CDC42EP3: variants seen among roughly 807,000 people sequenced by gnomAD.
CDC42EP3 encodes CDC42 effector protein 3.
A neutral mutation model predicts 15.5 loss-of-function variants in CDC42EP3; 4 were observed. The ratio of observed to expected loss-of-function variants is 0.26; its 90% CI spans 0.13 to 0.59. CDC42EP3 has a LOEUF of 0.59. Ranked by LOEUF, CDC42EP3 falls within the 20% of genes least tolerant of loss-of-function variation. The pLI, the probability that CDC42EP3 is intolerant of heterozygous loss-of-function variation, is 0.89. For missense variants in CDC42EP3, 309 were observed against 311.2 expected (o/e 0.99, Z 0.05); for synonymous variants, 145 against 130.3 (o/e 1.11, Z -0.77).
intron 1 of CDC42EP3, among the ~76,000 whole-genome samples, chr2:37,664,383 G>C (rs1325050055): frequency 6.6e-6 from 1 of 152,144 alleles, no homozygotes; most frequent in Non-Finnish European, 1.5e-5. Context: ...TGCACTGTTG[G>C]CTTCCCTATT....
At chr2:37,659,151 T>C (rs1665975495) in intron 1 of CDC42EP3, among the ~76,000 whole-genome samples, 1 of 152,196 alleles carries the variant, frequency 6.6e-6, no homozygotes, top group African/African-American at 2.4e-5. Context: ...GGCTATAATC[T>C]GGGAGAGAGA....
At chr2:37,655,130 A>C (rs570871767) in intron 1 of CDC42EP3, among the ~76,000 whole-genome samples, 1 of 152,306 alleles carries the variant, frequency 6.6e-6, no homozygotes, top group East Asian at 1.9e-4. Context: ...ACATAGCTCT[A>C]AGCTTCAAGA....
intron 1 of CDC42EP3, among the ~76,000 whole-genome samples, chr2:37,649,868 G>T (rs1245459942): frequency 6.6e-6 from 1 of 152,184 alleles, no homozygotes; most frequent in Non-Finnish European, 1.5e-5. Flanking sequence ...TACCTAAGCT[G>T]TAGTGAGATT....
Position 37,646,357 on chromosome 2 carries a change from C to G in CDC42EP3, c.231G>C (p.Gln77His), listed in dbSNP as rs2231503. Residue 77 changes from glutamine (Q) to histidine (H), a missense_variant, in exon 2 of 2, where the codon CAG becomes CAC. Gln to His is a conservative substitution (Grantham distance 24). Coordinates refer to ENST00000295324, the MANE Select transcript of CDC42EP3 (RefSeq NM_006449.5). ...PGNQEKAHLG[Q>H]FPGHNEFFRA... Reference sequence around the variant, plus strand: ...GGAAGAACTCATTATGCCCAGGGAACTGGCCCAGGTGTGCTTTCTCCTGGT... The same window carrying G: ...GGAAGAACTCATTATGCCCAGGGAAGTGGCCCAGGTGTGCTTTCTCCTGGT... 29 of 1,614,012 alleles carry G rather than the reference C, an allele frequency of 1.8e-5. No homozygotes were observed. The Admixed American group carries it at 2.2e-4, about 12-fold the overall frequency.
At chr2:37,667,847 G>A (rs1666292311) in intron 1 of CDC42EP3, among the ~76,000 whole-genome samples, 1 of 152,200 alleles carries the variant, frequency 6.6e-6, no homozygotes, top group African/African-American at 2.4e-5. Context: ...AAAAAGACCT[G>A]AGTTCAAACC....
chr2:37,661,911 A>G (rs1193943518), intron 1 of CDC42EP3, among the ~76,000 whole-genome samples: 1 of 152,156 alleles, frequency 6.6e-6, no homozygotes, highest in African/African-American at 2.4e-5. Context: ...AGTTCGACAG[A>G]GCTGGGCCTA....
chr2:37,647,221 C>T (rs984260575), intron 1 of CDC42EP3, among the ~76,000 whole-genome samples: 3 of 152,170 alleles, frequency 2.0e-5, no homozygotes, highest in African/African-American at 7.2e-5. Context: ...TGTTGAGTTC[C>T]ATATGTACAT....
At chr2:37,669,416 T>G (rs780026910) in intron 1 of CDC42EP3, among the ~76,000 whole-genome samples, 67 of 152,214 alleles carry the variant, frequency 4.4e-4, no homozygotes, top group Admixed American at 2.2e-3. Context: ...TGAACTCATG[T>G]GAGCCCTTCT....
At chr2:37,658,364 G>C (rs1164825773) in intron 1 of CDC42EP3, among the ~76,000 whole-genome samples, 1 of 152,124 alleles carries the variant, frequency 6.6e-6, no homozygotes, top group Non-Finnish European at 1.5e-5. Context: ...TGTTGAGCTT[G>C]CATGGCGGTT....
intron 1 of CDC42EP3, among the ~76,000 whole-genome samples, chr2:37,655,234 T>C (rs1435100217): frequency 1.3e-5 from 2 of 152,218 alleles, no homozygotes; most frequent in East Asian, 3.9e-4. Context: ...AAAGACCCAT[T>C]CAAAGTCTGA....
intron 1 of CDC42EP3, among the ~76,000 whole-genome samples, chr2:37,658,141 C>G (rs139544135): frequency 2.6e-5 from 4 of 152,178 alleles, no homozygotes; most frequent in African/African-American, 9.7e-5. Flanking sequence ...CACATACCAC[C>G]TCTAGGGATA....
upstream of CDC42EP3, among the ~76,000 whole-genome samples, chr2:37,672,931 G>A (rs1431945574): frequency 6.6e-6 from 1 of 152,212 alleles, no homozygotes; most frequent in Non-Finnish European, 1.5e-5. Context: ...GTAAACCCAG[G>A]CTGACTTTAA....
intron 1 of CDC42EP3, among the ~76,000 whole-genome samples, chr2:37,664,303 G>C (rs1211883429): frequency 6.6e-6 from 1 of 152,184 alleles, no homozygotes; most frequent in East Asian, 1.9e-4. Context: ...AAGTTCTTCA[G>C]TTTTTGGACC....
At chr2:37,670,792 A>G (rs1449481326) in intron 1 of CDC42EP3, among the ~76,000 whole-genome samples, 12 of 13,486 alleles carry the variant, frequency 8.9e-4, no homozygotes, top group Non-Finnish European at 4.2e-3. Flanking sequence ...ATTCATAACG[A>G]AAAAATGGCC....
At chr2:37,655,753 T>C (rs1242649932) in intron 1 of CDC42EP3, among the ~76,000 whole-genome samples, 4 of 152,228 alleles carry the variant, frequency 2.6e-5, no homozygotes, top group African/African-American at 4.8e-5. Context: ...TCTGTGATGC[T>C]GCAAGGACAA....
rs750857623 is a variant in CDC42EP3, at chr2:37,645,919, G to A, written c.669C>T (p.Ser223=). 1 of 1,613,304 alleles carries A rather than the reference G, an allele frequency of 6.2e-7. No individual in the cohort carries two copies. The highest frequency in any genetic ancestry group is 1.1e-5 in the South Asian group (1 of 91,002). The change falls in exon 2 of 2, where the codon TCC becomes TCT. Residue 223 remains serine (S), a synonymous_variant. Transcript: ENST00000295324. ...LIKGKTKSEE[S]LSDLTGSLLS... Reference sequence around the variant, plus strand: ...GGAGGGAACCTGTAAGGTCAGAGAGGGACTCCTCTGACTTAGTCTTTCCCT... The same window carrying A: ...GGAGGGAACCTGTAAGGTCAGAGAGAGACTCCTCTGACTTAGTCTTTCCCT...
chr2:37,657,001 C>CCACCCCCCG (rs1553317252), intron 1 of CDC42EP3, among the ~76,000 whole-genome samples: 1 of 103,212 alleles, frequency 9.7e-6, no homozygotes, highest in Non-Finnish European at 1.8e-5. Context: ...CCCCCCGCCC[C>CCACCCCCCG]CCGCCATCCT....
intron 1 of CDC42EP3, among the ~76,000 whole-genome samples, chr2:37,669,289 C>T (rs920453355): frequency 5.3e-5 from 8 of 150,936 alleles, no homozygotes; most frequent in Admixed American, 2.0e-4. Context: ...AATTTTATCC[C>T]CAACACTGTT....
intron 1 of CDC42EP3, among the ~76,000 whole-genome samples, chr2:37,647,942 A>G (rs893742874): frequency 6.6e-6 from 1 of 152,124 alleles, no homozygotes; most frequent in African/African-American, 2.4e-5. Flanking sequence ...CCCACACTGA[A>G]TCATAACTCA....
Sources: allele counts gnomAD v4.1 joint callset (sites outside exome capture counted in the v4.1 genomes callset), GRCh38; gene constraint gnomAD v4.1.1; transcripts MANE v1.5; gene names NCBI Gene and HGNC (gene_info 2026-07-23, HGNC 2026-07-21).